The following PARD6G variants were observed in gnomAD, a reference collection of about 807,000 sequenced individuals.
The protein encoded by PARD6G is par-6 family cell polarity regulator gamma.
A neutral mutation model predicts 10.7 loss-of-function variants in PARD6G; 7 were observed. That is an observed-to-expected ratio of 0.66 (90% CI 0.37 to 1.23). The LOEUF is 1.23. Ranked by LOEUF, PARD6G falls within the 50% of genes most tolerant of loss-of-function variation. The probability of loss-of-function intolerance (pLI) is 0.02; values close to 1 mark genes in which losing one functional copy is unlikely to be tolerated. For synonymous variants in PARD6G, 287 were observed against 269.4 expected, an observed-to-expected ratio of 1.07 and a Z score of -0.64; for missense variants, 548 against 571.8, an observed-to-expected ratio of 0.96 and a Z score of 0.42.
chr18:80,190,842 C>T (rs1001323799), intron 2 of PARD6G, among the ~76,000 whole-genome samples: 1 of 152,172 alleles, frequency 6.6e-6, no homozygotes, highest in Non-Finnish European at 1.5e-5. Context: ...AAATCACCAT[C>T]CACGAGCAGG....
At chr18:80,185,644 G>A (rs890819043) in intron 2 of PARD6G, among the ~76,000 whole-genome samples, 12 of 150,730 alleles carry the variant, frequency 8.0e-5, no homozygotes, top group Admixed American at 4.0e-4. Flanking sequence ...CCTCACACAC[G>A]CATATACCCT....
At chr18:80,233,087 G>A (rs749631626) in intron 1 of PARD6G, among the ~76,000 whole-genome samples, 2 of 152,162 alleles carry the variant, frequency 1.3e-5, no homozygotes, top group Non-Finnish European at 2.9e-5. Context: ...CTCATCTCCT[G>A]AGGAGTGGAG....
chr18:80,217,519 G>C (rs1317188854), intron 1 of PARD6G, among the ~76,000 whole-genome samples: 1 of 152,164 alleles, frequency 6.6e-6, no homozygotes, highest in African/African-American at 2.4e-5. Flanking sequence ...AAGTAATGTT[G>C]ATAGCATGTA....
At chr18:80,199,287 C>T (rs1200269067) in intron 2 of PARD6G, among the ~76,000 whole-genome samples, 2 of 152,280 alleles carry the variant, frequency 1.3e-5, no homozygotes, top group Admixed American at 6.5e-5. Flanking sequence ...CTTTTATGTC[C>T]GGCTTCTCTC....
intron 1 of PARD6G, among the ~76,000 whole-genome samples, chr18:80,245,134 G>A (rs1299480085): frequency 6.6e-6 from 1 of 152,218 alleles, no homozygotes. Flanking sequence ...GGAGCTGGCA[G>A]AAGCAGGCAG....
chr18:80,172,373 G>C (rs2145253181), intron 2 of PARD6G, among the ~76,000 whole-genome samples: 1 of 148,440 alleles, frequency 6.7e-6, no homozygotes, highest in Admixed American at 6.7e-5. Context: ...GGGTTGGGTT[G>C]TATGTCTTTT....
chr18:80,181,283 C>T lies in PARD6G; in HGVS notation c.296-20677G>A, dbSNP rs1223028472. ...GGATAGGAGAGGTGGTGTCTGTCCC[C>T]TGGTCCCTCAGCCAAGTCAGCCGAT... On this transcript the variant is annotated intron_variant, in intron 2 of 2. Transcript: ENST00000353265. The surrounding 1 kb of genome is among the most constrained non-coding windows in gnomAD (Gnocchi z 7.9). Among the ~76,000 whole-genome samples, 1 of 152,162 alleles carries T rather than the reference C, an allele frequency of 6.6e-6. No homozygotes were observed. The highest frequency in any genetic ancestry group is 1.5e-5 in the Non-Finnish European group (1 of 68,014).
chr18:80,199,891 C>T (rs1477365966), intron 2 of PARD6G, among the ~76,000 whole-genome samples: 8 of 152,110 alleles, frequency 5.3e-5, no homozygotes, highest in African/African-American at 1.4e-4. Flanking sequence ...GTGATCCACC[C>T]GCCTCGGCCT....
At chr18:80,178,858 A>AC (rs1568430024) in intron 2 of PARD6G, among the ~76,000 whole-genome samples, 3 of 151,990 alleles carry the variant, frequency 2.0e-5, no homozygotes, top group African/African-American at 7.3e-5. Flanking sequence ...GAGCAGGTCC[A>AC]CCCAAAACAG....
At chr18:80,169,874 C>T (rs1488263117) in intron 2 of PARD6G, 1 of 152,208 alleles carries the variant, frequency 6.6e-6, no homozygotes, top group Admixed American at 6.5e-5. Context: ...TGCTCACGGG[C>T]AAAGCAGCTG....
intron 1 of PARD6G, among the ~76,000 whole-genome samples, chr18:80,216,837 C>T (rs964136345): frequency 6.6e-6 from 1 of 152,040 alleles, no homozygotes; most frequent in Non-Finnish European, 1.5e-5. Flanking sequence ...TTTGAAAATA[C>T]TAACAATATT....
chr18:80,165,544 A>G (rs1386182185), intron 2 of PARD6G, among the ~76,000 whole-genome samples: 1 of 113,914 alleles, frequency 8.8e-6, no homozygotes, highest in African/African-American at 3.4e-5. Context: ...GCTTACGAAG[A>G]TAACAGGATT....
chr18:80,207,778 A>G (rs1007532379), intron 1 of PARD6G, among the ~76,000 whole-genome samples: 2 of 152,216 alleles, frequency 1.3e-5, no homozygotes, highest in African/African-American at 2.4e-5. Context: ...CCAGGACCAC[A>G]AGAGAAAAAT....
Position 80,158,232 on chromosome 18 carries a change from A to C in PARD6G, c.*1539T>G, listed in dbSNP as rs1249929269. On this transcript the variant is annotated 3_prime_UTR_variant, in exon 3 of 3. Coordinates refer to ENST00000353265, the MANE Select transcript of PARD6G (RefSeq NM_032510.4). ...TAGTTAAAAGTGAGAACTGCCAGTGACCATTCTAGAAATGAAAATTAGCAT... is the reference window on the plus strand; with the variant it reads ...TAGTTAAAAGTGAGAACTGCCAGTGCCCATTCTAGAAATGAAAATTAGCAT... 1 of 152,270 alleles carries C rather than the reference A, an allele frequency of 6.6e-6. No individual in the cohort carries two copies. The highest frequency in any genetic ancestry group is 1.5e-5 in the Non-Finnish European group (1 of 68,050). 9.4% of individuals were successfully genotyped at this position (152,270 alleles called of 1,614,324 possible).
rs369438642 is a variant in PARD6G at position 80,247,362 on chromosome 18, G to A, written c.-14C>T. ...ACTTCGGTTCATGGTTTCGGCCCCG[G>A]TCAGCCTCGCCGTCGCCCTCGCTCC... is the stretch of plus-strand genomic sequence containing the variant. On this transcript the variant is annotated 5_prime_UTR_variant, in exon 1 of 3. Coordinates refer to ENST00000353265, the MANE Select transcript of PARD6G (RefSeq NM_032510.4). The surrounding 1 kb of genome is among the most constrained non-coding windows in gnomAD (Gnocchi z 4.2). 12 of 1,559,318 alleles carry A rather than the reference G, an allele frequency of 7.7e-6. No individual in the cohort carries two copies. In the Admixed American group the frequency reaches 1.1e-4, roughly 14 times the overall value.
intron 2 of PARD6G, among the ~76,000 whole-genome samples, chr18:80,166,231 C>G (rs2052735133): frequency 6.6e-6 from 1 of 151,396 alleles, no homozygotes; most frequent in Non-Finnish European, 1.5e-5. Flanking sequence ...CTCATGGACA[C>G]CGTATGGTCA....
chr18:80,226,183 T>TC (rs1967287864), intron 1 of PARD6G, among the ~76,000 whole-genome samples: 1 of 71,766 alleles, frequency 1.4e-5, no homozygotes, highest in Non-Finnish European at 3.1e-5. Flanking sequence ...TTTTTTTTTT[T>TC]TTTTAGACGG....
At chr18:80,171,551 A>G (rs952963493) in intron 2 of PARD6G, 1 of 152,274 alleles carries the variant, frequency 6.6e-6, no homozygotes, top group Non-Finnish European at 1.5e-5. Flanking sequence ...CAGTAGCTTT[A>G]GCGTGTTCAC....
In PARD6G at chr18:80,159,958, G is replaced by A; in HGVS notation, c.944C>T (p.Thr315Ile). Residue 315 changes from threonine (T) to isoleucine (I), a missense_variant, in exon 3 of 3, where the codon ACC (threonine) becomes ATC (isoleucine). By Grantham distance (89) the Thr-to-Ile change is moderately conservative (BLOSUM62 -1). Around this residue, in one of 2 missense-constraint regions of PARD6G, gnomAD observed 313 missense variants for 279.9 expected, o/e 1.12. Transcript: ENST00000353265. ...GAGGCTGCCTGCGGGCGCGCCCGGG[G>A]TCTGGGGGGGACGTGCAGGCTCCAG... is the stretch of plus-strand genomic sequence containing the variant. ...GTLEPARPPQTPGAPAGSLSR... is the reference protein window; with the variant it reads ...GTLEPARPPQIPGAPAGSLSR... The A allele has an allele frequency of 6.7e-7, 1 of 1,497,834 alleles. No individual in the cohort carries two copies. Among genetic ancestry groups the A allele is most frequent in the Non-Finnish European group, 8.8e-7 (1 of 1,133,746 alleles). 92.8% of individuals were successfully genotyped at this position (1,497,834 alleles called of 1,614,324 possible).
Sources: allele counts gnomAD v4.1 joint callset (sites outside exome capture counted in the v4.1 genomes callset), GRCh38; gene constraint gnomAD v4.1.1; regional missense constraint gnomAD v4.1.1; non-coding constraint Gnocchi (gnomAD v3.1); transcripts MANE v1.5; gene names NCBI Gene and HGNC (gene_info 2026-07-23, HGNC 2026-07-21).